The following USH2A variants were observed in gnomAD, a reference collection of about 807,000 sequenced individuals.
USH2A encodes the protein Usher syndrome 2A (autosomal recessive, mild).
Under a neutral mutation model 538.9 loss-of-function variants are expected in USH2A, and 443 were observed. The observed-to-expected ratio is 0.82, with a 90% CI of 0.76 to 0.89. The LOEUF (loss-of-function observed/expected upper bound fraction) is 0.89. USH2A is among the 40% of genes least tolerant of loss of function. The pLI is 0.00. For synonymous variants in USH2A, 2,413 were observed against 2,273.5 expected (o/e 1.06, Z -1.75); for missense variants, 6,633 against 6,324.8 (o/e 1.05, Z -1.65).
intron 38 of USH2A, among the ~76,000 whole-genome samples, chr1:215,906,813 G>A (rs1934424): frequency 0.61 from 92,575 of 151,862 alleles, 28,369 homozygotes; most frequent in East Asian, 0.8. Flanking sequence ...GCGAGAGAAA[G>A]AGTATATTTT....
At chr1:215,759,957 A>T in intron 56 of USH2A, 114 bp from the exon 57 acceptor site, 1 of 1,210,684 alleles carries the variant, frequency 8.3e-7, no homozygotes, top group Non-Finnish European at 1.2e-6. Flanking sequence ...TTTAAAAAAT[A>T]TCTAACTGTA....
At chr1:215,700,575 A>G (rs560877445) in intron 61 of USH2A, among the ~76,000 whole-genome samples, 66 of 151,918 alleles carry the variant, frequency 4.3e-4, no homozygotes, top group African/African-American at 9.7e-4. Context: ...TTTCTTCTAG[A>G]TTTTCTAGTT....
chr1:215,650,708 A>C lies in USH2A; in HGVS notation c.14227T>G (p.Phe4743Val). 6.2e-7 allele frequency: 1 copy of C among 1,613,984 alleles called. No homozygotes were observed. Among genetic ancestry groups the C allele is most frequent in the Non-Finnish European group, 8.5e-7 (1 of 1,180,000 alleles). Reference protein sequence around the residue: ...APPEGLRAPTFHVISSTQAVV... With the variant: ...APPEGLRAPTVHVISSTQAVV... The stretch of plus-strand genomic sequence containing the variant: ...GCTTGGGTAGAAGAGATCACATGGA[A>C]CGTGGGGGCTCTGAGACCTTCTGGT... Residue 4743 changes from phenylalanine (F) to valine (V), a missense_variant, in exon 65 of 72, where the codon TTC becomes GTC. Transcript: ENST00000307340.
intron 4 of USH2A, among the ~76,000 whole-genome samples, chr1:216,338,253 A>G (rs1025875567): frequency 6.6e-6 from 1 of 151,478 alleles, no homozygotes; most frequent in African/African-American, 2.4e-5. Flanking sequence ...CAAGTGCTAT[A>G]GCTTTTGGCA....
At chr1:216,117,787 TACACACACAG>T (rs2033042001) in intron 21 of USH2A, among the ~76,000 whole-genome samples, 1 of 150,412 alleles carries the variant, frequency 6.6e-6, no homozygotes, top group South Asian at 2.1e-4. Context: ...CAGACACACA[TACACACACAG>T]ACACACATAT....
intron 9 of USH2A, among the ~76,000 whole-genome samples, chr1:216,295,147 C>T (rs551278162): frequency 1.3e-5 from 2 of 151,646 alleles, no homozygotes; most frequent in African/African-American, 4.8e-5. Context: ...TTTACATAGA[C>T]AATTTTTATC....
intron 56 of USH2A, among the ~76,000 whole-genome samples, chr1:215,763,172 A>G (rs757825102): frequency 1.3e-5 from 2 of 152,186 alleles, no homozygotes; most frequent in Admixed American, 6.5e-5. Flanking sequence ...TGTGTTGGGC[A>G]CTGTGGATGG....
chr1:216,146,179 A>T (rs2033699424), intron 21 of USH2A, among the ~76,000 whole-genome samples: 1 of 152,042 alleles, frequency 6.6e-6, no homozygotes, highest in African/African-American at 2.4e-5. Context: ...CCCAAGAAAC[A>T]TCTCACCAAT....
chr1:215,859,292 T>G (rs1380934928), intron 44 of USH2A, among the ~76,000 whole-genome samples: 1 of 152,114 alleles, frequency 6.6e-6, no homozygotes, highest in Non-Finnish European at 1.5e-5. Context: ...CCCAGCACTT[T>G]GGAAGGCCGA....
chr1:216,166,715 C>T (rs1296468468), intron 21 of USH2A, among the ~76,000 whole-genome samples: 1 of 152,024 alleles, frequency 6.6e-6, no homozygotes, highest in African/African-American at 2.4e-5. Context: ...TAGTGATATT[C>T]ACTGTAGATG....
At chr1:216,121,655 G>T (rs1201503768) in intron 21 of USH2A, among the ~76,000 whole-genome samples, 1 of 152,088 alleles carries the variant, frequency 6.6e-6, no homozygotes, top group Non-Finnish European at 1.5e-5. Context: ...ACAAATTACA[G>T]AATTAAAGAG....
chr1:215,864,945 A>T (rs562506444), intron 44 of USH2A, among the ~76,000 whole-genome samples: 15 of 151,872 alleles, frequency 9.9e-5, no homozygotes, highest in Non-Finnish European at 1.6e-4. Context: ...CATGCTTTAA[A>T]ATATATATAT....
chr1:216,016,168 G>A (rs1024683610), intron 32 of USH2A, among the ~76,000 whole-genome samples: 3 of 88,852 alleles, frequency 3.4e-5, no homozygotes, highest in Non-Finnish European at 6.2e-5. Flanking sequence ...ACAGGGTGGG[G>A]AACATCACAC....
intron 20 of USH2A, among the ~76,000 whole-genome samples, chr1:216,178,499 C>T (rs2034434057): frequency 6.6e-6 from 1 of 152,084 alleles, no homozygotes; most frequent in African/African-American, 2.4e-5. Context: ...CCATTCTTGG[C>T]TATAATCTCA....
At chr1:216,266,802 TA>T (rs1245390287) in intron 11 of USH2A, among the ~76,000 whole-genome samples, 1 of 151,926 alleles carries the variant, frequency 6.6e-6, no homozygotes, top group Non-Finnish European at 1.5e-5. Flanking sequence ...GAAAACTAAA[TA>T]GACAAGCAAA....
chr1:215,818,611 A>G (rs1446390961), intron 47 of USH2A, among the ~76,000 whole-genome samples: 1 of 151,874 alleles, frequency 6.6e-6, no homozygotes, highest in African/African-American at 2.4e-5. Context: ...CAATGAAGGT[A>G]TAACATCTGA....
Position 215,662,607 on chromosome 1 carries a change from C to T in USH2A, c.14133+8365G>A, listed in dbSNP as rs148981529. 3.9e-4 allele frequency among the ~76,000 whole-genome samples: 60 copies of T among 152,312 alleles called. No homozygotes were observed. The East Asian group carries it at 8.3e-3, about 21-fold the overall frequency. On this transcript the variant is annotated intron_variant, in intron 64 of 71. Coordinates refer to ENST00000307340, the MANE Select transcript of USH2A (RefSeq NM_206933.4). ...ATGCAAAAAATGATCAGGCCCTGGGCCTAGTGGCGAACTTTAGTTTTCTAT... is the reference window on the plus strand; with the variant it reads ...ATGCAAAAAATGATCAGGCCCTGGGTCTAGTGGCGAACTTTAGTTTTCTAT...
intron 30 of USH2A, among the ~76,000 whole-genome samples, chr1:216,067,417 A>T (rs541133042): frequency 3.4e-5 from 5 of 148,468 alleles, no homozygotes; most frequent in Admixed American, 6.7e-5. Context: ...AAGTATAATT[A>T]AAAAAAAAAG....
chr1:216,129,479 T>C (rs2033323998), intron 21 of USH2A, among the ~76,000 whole-genome samples: 1 of 151,694 alleles, frequency 6.6e-6, no homozygotes, highest in South Asian at 2.1e-4. Flanking sequence ...ACAAATAAAA[T>C]AAAATACCTG....
Sources: allele counts gnomAD v4.1 joint callset (sites outside exome capture counted in the v4.1 genomes callset), GRCh38; gene constraint gnomAD v4.1.1; transcripts MANE v1.5; gene names NCBI Gene and HGNC (gene_info 2026-07-23, HGNC 2026-07-21).